Variants in CDH13 observed in about 807,000 individuals in gnomAD.
CDH13 encodes the protein cadherin 13.
A neutral mutation model predicts 63.8 loss-of-function variants in CDH13; 24 were observed. The ratio of observed to expected loss-of-function variants is 0.38; its 90% CI spans 0.27 to 0.53. The LOEUF is 0.53. Ranked by LOEUF, CDH13 falls within the 20% of genes least tolerant of loss-of-function variation. The probability of loss-of-function intolerance (pLI) is 0.85; values close to 1 mark genes in which losing one functional copy is unlikely to be tolerated. For missense variants in CDH13, 1,049 were observed against 903.1 expected (o/e 1.16, Z -2.07); for synonymous variants, 503 against 355.3 (o/e 1.42, Z -4.67).
chr16:83,028,137 C>T (rs1287885177), intron 2 of CDH13, among the ~76,000 whole-genome samples: 1 of 152,196 alleles, frequency 6.6e-6, no homozygotes, highest in Non-Finnish European at 1.5e-5. Flanking sequence ...AGTCTGGAAC[C>T]TCATGCTGGC....
intron 5 of CDH13, among the ~76,000 whole-genome samples, chr16:83,248,395 C>G (rs188653743): frequency 2.6e-5 from 4 of 152,286 alleles, no homozygotes; most frequent in African/African-American, 9.6e-5. Context: ...TTATCAGAAA[C>G]TTCCCCTAGA....
intron 1 of CDH13, among the ~76,000 whole-genome samples, chr16:82,688,271 G>A (rs1915286769): frequency 6.6e-6 from 1 of 152,116 alleles, no homozygotes; most frequent in Non-Finnish European, 1.5e-5. Context: ...TGTGTATCTG[G>A]GAACATGGTT....
intron 11 of CDH13, among the ~76,000 whole-genome samples, chr16:83,761,207 C>T (rs1475149537): frequency 6.6e-6 from 1 of 152,188 alleles, no homozygotes; most frequent in East Asian, 1.9e-4. Flanking sequence ...ATAAAGAGCC[C>T]TTTGGACCTA....
intron 1 of CDH13, among the ~76,000 whole-genome samples, chr16:82,740,409 C>A (rs543655586): frequency 2.6e-5 from 4 of 152,210 alleles, no homozygotes; most frequent in Non-Finnish European, 4.4e-5. Flanking sequence ...ATTAGCCCAA[C>A]CCGCTTTCTT....
At chr16:83,541,541 G>C (rs928231843) in intron 7 of CDH13, among the ~76,000 whole-genome samples, 3 of 152,180 alleles carry the variant, frequency 2.0e-5, no homozygotes, top group South Asian at 2.1e-4. Context: ...CCATGAAACA[G>C]ACAATGGAAT....
chr16:83,130,507 G>C (rs1057499531), intron 4 of CDH13, among the ~76,000 whole-genome samples: 2 of 152,154 alleles, frequency 1.3e-5, no homozygotes, highest in Non-Finnish European at 2.9e-5. Flanking sequence ...CAAAAATAAG[G>C]TGGACAGAGG....
Position 82,644,788 on chromosome 16 carries a change from C to T in CDH13, c.45+17651C>T, listed in dbSNP as rs1267620867. Among the ~76,000 whole-genome samples the T allele has an allele frequency of 2.0e-5, 3 of 152,258 alleles. No individual in the cohort carries two copies. Among genetic ancestry groups the T allele is most frequent in the South Asian group, 2.1e-4 (1 of 4,822 alleles). On this transcript the variant is annotated intron_variant, in intron 1 of 13. Transcript: ENST00000567109. The surrounding 1 kb of genome is among the most constrained non-coding windows in gnomAD (Gnocchi z 5.7). ...TTCCAGGTAGCAACAGGAGATCACG[C>T]AAAGCCACGTAAGTGTCTGATTCAG... is the stretch of plus-strand genomic sequence containing the variant.
chr16:83,381,819 C>G (rs1339436930), intron 6 of CDH13, among the ~76,000 whole-genome samples: 3 of 151,946 alleles, frequency 2.0e-5, no homozygotes, highest in Admixed American at 2.0e-4. Flanking sequence ...CTATATTTGG[C>G]TTTTAGAGAC....
chr16:83,171,044 A>G (rs796374759), intron 4 of CDH13, among the ~76,000 whole-genome samples: 5 of 152,216 alleles, frequency 3.3e-5, no homozygotes, highest in African/African-American at 7.2e-5. Context: ...ATGGCTATAA[A>G]GAAATACCTG....
chr16:82,866,492 G>A (rs1028175041), intron 2 of CDH13, among the ~76,000 whole-genome samples: 8 of 138,858 alleles, frequency 5.8e-5, no homozygotes, highest in African/African-American at 1.1e-4. Context: ...GGGTTCAAGC[G>A]ATTCTCCTGC....
At chr16:83,500,598 C>T (rs186793677) in intron 7 of CDH13, among the ~76,000 whole-genome samples, 46 of 102,738 alleles carry the variant, frequency 4.5e-4, no homozygotes, top group African/African-American at 1.8e-3. Flanking sequence ...TTTGAGATGG[C>T]GTCTCACTCT....
chr16:82,801,739 T>A (rs2036864428), intron 1 of CDH13, among the ~76,000 whole-genome samples: 1 of 152,230 alleles, frequency 6.6e-6, no homozygotes, highest in Non-Finnish European at 1.5e-5. Context: ...ACTTCAATAC[T>A]TTTACCCAGA....
chr16:83,723,983 T>G (rs1021872632), intron 10 of CDH13, among the ~76,000 whole-genome samples: 1 of 152,124 alleles, frequency 6.6e-6, no homozygotes, highest in Non-Finnish European at 1.5e-5. Flanking sequence ...AATGCATGGA[T>G]GAATGTGGAA....
intron 12 of CDH13, among the ~76,000 whole-genome samples, chr16:83,782,340 G>T (rs1008038624): frequency 6.6e-6 from 1 of 152,110 alleles, no homozygotes; most frequent in African/African-American, 2.4e-5. Flanking sequence ...TATTGCCACC[G>T]CACATGACAT....
chr16:83,134,574 AGAGAGAGAGAGAGAGAGAGT>A (rs768045937), intron 4 of CDH13, among the ~76,000 whole-genome samples: 35,178 of 120,742 alleles, frequency 0.29, 5,808 homozygotes, highest in African/African-American at 0.34. Context: ...AGAGAGAGAG[AGAGAGAGAGAGAGAGAGAGT>A]GAGTTACATG....
intron 1 of CDH13, among the ~76,000 whole-genome samples, chr16:82,810,413 C>G (rs995447954): frequency 2.6e-5 from 4 of 152,136 alleles, no homozygotes; most frequent in Admixed American, 2.0e-4. Context: ...ACAGTTTCCT[C>G]TAATCCTTGG....
intron 6 of CDH13, among the ~76,000 whole-genome samples, chr16:83,450,427 C>T (rs1010380410): frequency 3.9e-5 from 6 of 152,290 alleles, no homozygotes; most frequent in Admixed American, 1.3e-4. Context: ...CAATTTTCTA[C>T]CTGATGAGCT....
intron 1 of CDH13, among the ~76,000 whole-genome samples, chr16:82,832,145 C>G (rs1011970015): frequency 6.6e-6 from 1 of 152,084 alleles, no homozygotes; most frequent in Non-Finnish European, 1.5e-5. Flanking sequence ...ACTGTTGACC[C>G]TAAATGCATT....
intron 6 of CDH13, among the ~76,000 whole-genome samples, chr16:83,362,632 C>A (rs1372960949): frequency 6.6e-6 from 1 of 152,164 alleles, no homozygotes; most frequent in African/African-American, 2.4e-5. Context: ...AGGTCAACAC[C>A]CATAATCAGA....
Sources: allele counts gnomAD v4.1 joint callset (sites outside exome capture counted in the v4.1 genomes callset), GRCh38; gene constraint gnomAD v4.1.1; non-coding constraint Gnocchi (gnomAD v3.1); transcripts MANE v1.5; gene names NCBI Gene and HGNC (gene_info 2026-07-23, HGNC 2026-07-21).